The following KLHDC10 variants were observed in gnomAD, a reference collection of about 807,000 sequenced individuals.
The protein encoded by KLHDC10 is kelch domain-containing protein 10.
In KLHDC10, 24 loss-of-function variants were observed where a neutral mutation model predicts 56.1. That is an observed-to-expected ratio of 0.43 (90% confidence interval 0.31 to 0.60). The LOEUF is 0.60. Among genes scored for constraint, KLHDC10 ranks in the 20% least tolerant of loss-of-function variants. The pLI is 0.11. For missense variants in KLHDC10, 349 were observed against 567.0 expected (o/e 0.62, Z 3.91); for synonymous variants, 188 against 207.1 (o/e 0.91, Z 0.79).
chr7:130,080,006 A>G (rs920638410), intron 1 of KLHDC10, among the ~76,000 whole-genome samples: 3 of 134,292 alleles, frequency 2.2e-5, no homozygotes, highest in Admixed American at 7.4e-5. Context: ...CAGTGGTGCA[A>G]TCATAGTTCA....
rs1305118851 is a variant in KLHDC10, at chr7:130,110,513, G to C, written c.254-5932G>C. Among the ~76,000 whole-genome samples, 3 of 152,162 alleles carry C rather than the reference G, an allele frequency of 2.0e-5. No homozygotes were observed. In the South Asian group the frequency reaches 6.2e-4, roughly 32 times the overall value. Reference sequence around the variant, plus strand: ...TAGGAGATGCTTATATAACCAACAAGTAATATTGTGGGCTGGTGTGAATGG... The same window carrying C: ...TAGGAGATGCTTATATAACCAACAACTAATATTGTGGGCTGGTGTGAATGG... On this transcript the variant is annotated intron_variant, in intron 2 of 9. Coordinates refer to ENST00000335420, the MANE Select transcript of KLHDC10 (RefSeq NM_014997.4).
intron 1 of KLHDC10, among the ~76,000 whole-genome samples, chr7:130,092,975 A>G (rs1795797081): frequency 6.7e-6 from 1 of 149,484 alleles, no homozygotes; most frequent in Non-Finnish European, 1.5e-5. Context: ...TTAGTCCACT[A>G]AGGGCATTTC....
At position 130,133,718 on chromosome 7, in the gene KLHDC10, T is replaced by G. The variant is rs1053877420; in HGVS notation, c.*2972T>G. ...ACAAGGAAGTCCATCTGTAAGGAGT[T>G]TCCTAAACGGAGAATTAAAACCTAG... On this transcript the variant is annotated 3_prime_UTR_variant, in exon 10 of 10. Coordinates refer to ENST00000335420, the MANE Select transcript of KLHDC10 (RefSeq NM_014997.4). The G allele has an allele frequency of 6.6e-6, 1 of 152,220 alleles. No individual in the cohort carries two copies. The highest frequency in any genetic ancestry group is 2.4e-5 in the African/African-American group (1 of 41,456). The allele number at this position is 152,220 out of a possible 1,614,324, so 9.4% of individuals were successfully genotyped here. A position where few individuals can be genotyped will look rare whatever the true frequency, so the allele number is the denominator to read the frequency against.
rs560444365 is a variant in KLHDC10, at chr7:130,110,259, CT to C, written c.254-6185del. ...TAATTTTGATCACCTGGATAAGATG[CT>C]GTCTGTCCATGGGACTTTTTATAGA... On this transcript the variant is annotated intron_variant, in intron 2 of 9. Transcript: ENST00000335420. 2.5e-4 allele frequency among the ~76,000 whole-genome samples: 38 copies of C among 152,318 alleles called. 1 individual carries two copies. In the South Asian group the frequency reaches 7.7e-3, roughly 31 times the overall value.
chr7:130,086,195 A>G (rs570312587), intron 1 of KLHDC10, among the ~76,000 whole-genome samples: 2 of 152,012 alleles, frequency 1.3e-5, no homozygotes, highest in South Asian at 2.1e-4. Flanking sequence ...TTCACTTTCA[A>G]TGGTTCTATA....
Position 130,077,800 on chromosome 7 carries a change from C to T in KLHDC10, c.166+6991C>T, listed in dbSNP as rs541045600. On this transcript the variant is annotated intron_variant, in intron 1 of 9. Coordinates refer to ENST00000335420, the MANE Select transcript of KLHDC10 (RefSeq NM_014997.4). ...TCGATCTCCTGACCTCGTGATCCAC[C>T]GGCCTCGGCCTCCCAAAGTGCTGAG... 3.8e-4 allele frequency among the ~76,000 whole-genome samples: 58 copies of T among 151,908 alleles called. No individual in the cohort carries two copies. The South Asian group carries it at 0.012, about 31-fold the overall frequency.
rs112794915 is a variant in KLHDC10, at chr7:130,130,146, T to A, written c.1120-391T>A. On this transcript the variant is annotated intron_variant, in intron 9 of 9. Coordinates refer to ENST00000335420, the MANE Select transcript of KLHDC10 (RefSeq NM_014997.4). The surrounding 1 kb of genome is among the most constrained non-coding windows in gnomAD (Gnocchi z 4.2). ...CCTGGCTAACACGGATGAAACCCCA[T>A]CTCTACTAAAAATACAAAAAAAAAT... Among the ~76,000 whole-genome samples the A allele has an allele frequency of 0.026, 3,991 of 151,614 alleles. 174 individuals carry two copies. The highest frequency in any genetic ancestry group is 0.092 in the African/African-American group (3,796 of 41,276).
intron 3 of KLHDC10, among the ~76,000 whole-genome samples, chr7:130,119,654 G>A (rs182511545): frequency 6.6e-6 from 1 of 151,044 alleles, no homozygotes; most frequent in African/African-American, 2.4e-5. Flanking sequence ...GACCAGCCTG[G>A]CCAATGTGGT....
intron 2 of KLHDC10, among the ~76,000 whole-genome samples, chr7:130,113,334 CT>C (rs112573281): frequency 1.0e-3 from 149 of 144,656 alleles, no homozygotes; most frequent in African/African-American, 1.4e-3. Context: ...CCAATAGTAA[CT>C]TTTTTTTTTT....
chr7:130,129,400 T>C, intron 8 of KLHDC10, 37 bp from the exon 9 acceptor site: 1 of 1,610,594 alleles, frequency 6.2e-7, no homozygotes, highest in Non-Finnish European at 8.5e-7. Context: ...TTGGCTCTTT[T>C]CCTTTGTGTG....
At chr7:130,078,987 C>T (rs1048596352) in intron 1 of KLHDC10, among the ~76,000 whole-genome samples, 3 of 152,060 alleles carry the variant, frequency 2.0e-5, no homozygotes, top group Non-Finnish European at 2.9e-5. Flanking sequence ...TAGATTGAAG[C>T]GTACATATTT....
In KLHDC10 at chr7:130,079,917, C is replaced by T. The variant is rs1373573520; in HGVS notation, c.166+9108C>T. On this transcript the variant is annotated intron_variant, in intron 1 of 9. Coordinates refer to ENST00000335420, the MANE Select transcript of KLHDC10 (RefSeq NM_014997.4). ...CCCTTTCTTCCTCCCTCCCTCCCTT[C>T]CTCCCTTTCTCGCTTCCTCCTTCCC... Among the ~76,000 whole-genome samples, 12 of 87,450 alleles carry T rather than the reference C, an allele frequency of 1.4e-4. No individual in the cohort carries two copies. The East Asian group carries it at 2.7e-3, about 20-fold the overall frequency. 57.4% of individuals were successfully genotyped at this position (87,450 alleles called of 152,430 possible).
intron 8 of KLHDC10, among the ~76,000 whole-genome samples, chr7:130,128,415 T>G (rs185531641): frequency 7.2e-5 from 11 of 152,350 alleles, no homozygotes; most frequent in Admixed American, 2.6e-4. Flanking sequence ...ACATAGCCTT[T>G]GTTACAAGTT....
At chr7:130,128,919 T>TATATATATATATATATATATATACAC (rs1292651924) in intron 8 of KLHDC10, among the ~76,000 whole-genome samples, 14 of 115,700 alleles carry the variant, frequency 1.2e-4, no homozygotes, top group African/African-American at 3.5e-4. Flanking sequence ...TATATATATA[T>TATATATATATATATATATATATACAC]ACATACTAGC....
intron 2 of KLHDC10, among the ~76,000 whole-genome samples, chr7:130,106,644 C>T (rs1268006560): frequency 6.6e-6 from 1 of 152,024 alleles, no homozygotes; most frequent in East Asian, 1.9e-4. Context: ...CATCCAGTAC[C>T]CTTATGACAT....
intron 1 of KLHDC10, among the ~76,000 whole-genome samples, chr7:130,071,939 C>A (rs138587484): frequency 8.0e-4 from 122 of 152,084 alleles, no homozygotes; most frequent in Admixed American, 2.9e-3. Context: ...TGCTTATGTT[C>A]GTGATGAGGT....
chr7:130,079,557 A>T (rs926905434), intron 1 of KLHDC10, among the ~76,000 whole-genome samples: 3 of 152,088 alleles, frequency 2.0e-5, no homozygotes, highest in Non-Finnish European at 4.4e-5. Context: ...GTCGTGGTGT[A>T]TTAGTATTTT....
intron 1 of KLHDC10, among the ~76,000 whole-genome samples, chr7:130,096,480 ATCT>A (rs1256263940): frequency 3.9e-5 from 6 of 152,138 alleles, no homozygotes; most frequent in African/African-American, 1.4e-4. Context: ...CCATTGCTTT[ATCT>A]TCTTAACCAT....
chr7:130,097,926 T>C (rs557323148), intron 2 of KLHDC10, among the ~76,000 whole-genome samples: 5 of 152,248 alleles, frequency 3.3e-5, no homozygotes, highest in Admixed American at 2.6e-4. Flanking sequence ...ACACTATTTT[T>C]CTAGATACAA....
Sources: allele counts gnomAD v4.1 joint callset (sites outside exome capture counted in the v4.1 genomes callset), GRCh38; gene constraint gnomAD v4.1.1; non-coding constraint Gnocchi (gnomAD v3.1); transcripts MANE v1.5; gene names NCBI Gene and HGNC (gene_info 2026-07-23, HGNC 2026-07-21).